Variants in CORIN observed in about 807,000 individuals in gnomAD.
The protein encoded by CORIN is corin, serine peptidase.
CORIN carries 117 observed loss-of-function variants against 125.3 expected under a neutral mutation model. That is an observed-to-expected ratio of 0.93 (90% CI 0.80 to 1.09). The LOEUF (loss-of-function observed/expected upper bound fraction) is 1.09. CORIN is among the 50% of genes least tolerant of loss of function. CORIN has a pLI of 0.00. For synonymous variants in CORIN, 450 were observed against 466.4 expected, an observed-to-expected ratio of 0.96 and a Z score of 0.45; for missense variants, 1,253 against 1,306.7, an observed-to-expected ratio of 0.96 and a Z score of 0.63.
At chr4:47,790,555 T>G (rs1020831176) in intron 2 of CORIN, among the ~76,000 whole-genome samples, 27 of 152,172 alleles carry the variant, frequency 1.8e-4, no homozygotes, top group African/African-American at 6.5e-4. Context: ...GAGCCCAGCT[T>G]TTAGGTGAAC....
intron 20 of CORIN, among the ~76,000 whole-genome samples, chr4:47,602,810 T>C (rs1246179849): frequency 6.6e-6 from 1 of 152,138 alleles, no homozygotes; most frequent in African/African-American, 2.4e-5. Context: ...TCGCTAAGTA[T>C]TTACCATTTG....
At chr4:47,792,656 C>A (rs1355491872) in intron 2 of CORIN, among the ~76,000 whole-genome samples, 1 of 152,202 alleles carries the variant, frequency 6.6e-6, no homozygotes, top group Non-Finnish European at 1.5e-5. Flanking sequence ...TCTACTGGGG[C>A]ATAAGCTGAG....
At chr4:47,789,160 T>A (rs1257336882) in intron 2 of CORIN, among the ~76,000 whole-genome samples, 1 of 151,824 alleles carries the variant, frequency 6.6e-6, no homozygotes, top group Non-Finnish European at 1.5e-5. Flanking sequence ...TAAAATTAGC[T>A]GGGCATGGTG....
rs1726557139 is a variant in CORIN at position 47,706,436 on chromosome 4, T to A, written c.800-13353A>T. On this transcript the variant is annotated intron_variant, in intron 5 of 21. Transcript: ENST00000273857. Reference sequence around the variant, plus strand: ...AAGCAGTCTGATGTCACGCGCTTTCTTCTGAGGGTCCGCTGCTGGCAGTAC... The same window carrying A: ...AAGCAGTCTGATGTCACGCGCTTTCATCTGAGGGTCCGCTGCTGGCAGTAC... The A allele has an allele frequency of 1.1e-5, 17 of 1,610,316 alleles. No homozygotes were observed. In the East Asian group the frequency reaches 3.8e-4, roughly 36 times the overall value.
chr4:47,623,539 A>G, intron 19 of CORIN, 32 bp downstream of exon 19: 1 of 1,605,446 alleles, frequency 6.2e-7, no homozygotes, highest in Non-Finnish European at 8.5e-7. Flanking sequence ...GATCAAATCC[A>G]GGCAAAGGAA....
intron 12 of CORIN, chr4:47,661,466 C>A (rs890480380): frequency 6.9e-6 from 3 of 432,788 alleles, no homozygotes; most frequent in African/African-American, 6.0e-5. Context: ...CACCTATGTA[C>A]CCACAAAAAT....
intron 19 of CORIN, among the ~76,000 whole-genome samples, chr4:47,604,601 A>G (rs1015737869): frequency 2.0e-5 from 3 of 152,198 alleles, no homozygotes; most frequent in African/African-American, 7.2e-5. Context: ...ACCCAGGTGA[A>G]TCTTCTCTTT....
intron 16 of CORIN, among the ~76,000 whole-genome samples, chr4:47,636,874 A>G (rs1723046814): frequency 6.6e-6 from 1 of 152,228 alleles, no homozygotes; most frequent in Non-Finnish European, 1.5e-5. Flanking sequence ...TAGATACCCA[A>G]AAGTGTGGAA....
At chr4:47,766,098 T>C (rs1729718791) in intron 3 of CORIN, among the ~76,000 whole-genome samples, 1 of 152,330 alleles carries the variant, frequency 6.6e-6, no homozygotes, top group Admixed American at 6.5e-5. Context: ...TGGAGTAAGG[T>C]ATGATAATAT....
chr4:47,674,475 G>A lies in CORIN; in HGVS notation c.1275C>T (p.Asp425=), dbSNP rs779011378. ...GGCAGGGATTGTAGAGGCATCTTTG[G>A]TCTCCTTCTTGACATGAAGTCTGAA... The part of the protein sequence containing the change: ...SVIQTSCQEG[D]QRCLYNPCLD... The change falls in exon 10 of 22, where the codon GAC becomes GAT. Residue 425 remains aspartate (D), a synonymous_variant. Transcript: ENST00000273857. The A allele has an allele frequency of 1.4e-5, 23 of 1,613,628 alleles. No individual in the cohort carries two copies. The highest frequency in any genetic ancestry group is 1.7e-4 in the Middle Eastern group (1 of 6,056).
At chr4:47,654,773 G>C (rs1351325791) in intron 12 of CORIN, among the ~76,000 whole-genome samples, 1 of 152,152 alleles carries the variant, frequency 6.6e-6, no homozygotes, top group African/African-American at 2.4e-5. Flanking sequence ...GGCAAGTCCT[G>C]ATGCTGTGCT....
chr4:47,609,639 G>A (rs1407783887), intron 19 of CORIN, among the ~76,000 whole-genome samples: 1 of 152,054 alleles, frequency 6.6e-6, no homozygotes, highest in Admixed American at 6.6e-5. Context: ...TGTGCAGAAA[G>A]TGCAGGTTTG....
chr4:47,780,991 G>A (rs1730519337), intron 3 of CORIN, among the ~76,000 whole-genome samples: 1 of 146,198 alleles, frequency 6.8e-6, no homozygotes, highest in Non-Finnish European at 1.5e-5. Context: ...AAACACAAAA[G>A]AAGGCAGTAA....
At chr4:47,817,844 A>G (rs1732342035) in intron 1 of CORIN, among the ~76,000 whole-genome samples, 1 of 152,250 alleles carries the variant, frequency 6.6e-6, no homozygotes. Context: ...TTCACTCTGG[A>G]TTTGTTAAAC....
chr4:47,695,906 G>A (rs896898734), intron 5 of CORIN, among the ~76,000 whole-genome samples: 29 of 152,136 alleles, frequency 1.9e-4, no homozygotes, highest in Admixed American at 1.8e-3. Context: ...ATTAAGGAAA[G>A]ATGAAAAACA....
intron 5 of CORIN, among the ~76,000 whole-genome samples, chr4:47,702,786 CAG>C (rs1030742089): frequency 3.9e-5 from 6 of 152,142 alleles, no homozygotes; most frequent in African/African-American, 1.4e-4. Context: ...CTTTCAAAAA[CAG>C]ATTACGGTTC....
In CORIN at chr4:47,763,543, G is replaced by A; in HGVS notation, c.453C>T (p.Pro151=). 2 of 1,614,132 alleles carry A rather than the reference G, an allele frequency of 1.2e-6. No homozygotes were observed. The highest frequency in any genetic ancestry group is 1.7e-6 in the Non-Finnish European group (2 of 1,180,028). The change falls in exon 4 of 22, where the codon CCC becomes CCT. Residue 151 remains proline, a synonymous_variant. Coordinates refer to ENST00000273857, the MANE Select transcript of CORIN (RefSeq NM_006587.4). ...GGAGAGGTGTCAGCGTGGCGTGGTAGGGCAGCATCTGACACTGGCTGTGGG... is the reference window on the plus strand; with the variant it reads ...GGAGAGGTGTCAGCGTGGCGTGGTAAGGCAGCATCTGACACTGGCTGTGGG... ...NITHSQCQML[P]YHATLTPLLS...
intron 12 of CORIN, among the ~76,000 whole-genome samples, chr4:47,659,397 A>T (rs1192163796): frequency 6.6e-6 from 1 of 152,138 alleles, no homozygotes; most frequent in African/African-American, 2.4e-5. Context: ...AATATCTGAG[A>T]CTGGGTAATT....
chr4:47,738,710 C>T (rs762472262), intron 5 of CORIN, among the ~76,000 whole-genome samples: 2 of 152,062 alleles, frequency 1.3e-5, no homozygotes, highest in South Asian at 2.1e-4. Flanking sequence ...AAACAGTCAA[C>T]AAAAACTGTT....
Sources: gnomAD v4.1 joint callset for allele counts (sites outside exome capture counted in the v4.1 genomes callset) on GRCh38, gnomAD v4.1.1 for gene constraint, MANE v1.5 for transcripts, NCBI Gene and HGNC (gene_info 2026-07-23, HGNC 2026-07-21) for gene names.